AUTS2: variants seen among roughly 807,000 people sequenced by gnomAD.
AUTS2 encodes the protein autism susceptibility gene 2 protein.
In AUTS2, 17 loss-of-function variants were observed where a neutral mutation model predicts 112.4. That is an observed-to-expected ratio of 0.15 (90% confidence interval 0.10 to 0.23). AUTS2 has a LOEUF of 0.23. Ranked by LOEUF, AUTS2 falls within the 10% of genes least tolerant of loss-of-function variation. The pLI is 1.00. For synonymous variants in AUTS2, 751 were observed against 702.7 expected, an observed-to-expected ratio of 1.07 and a Z score of -1.09; for missense variants, 1,510 against 1,701.6, an observed-to-expected ratio of 0.89 and a Z score of 1.98.
chr7:70,046,350 C>A (rs1160714229), intron 2 of AUTS2, among the ~76,000 whole-genome samples: 1 of 152,142 alleles, frequency 6.6e-6, no homozygotes, highest in Non-Finnish European at 1.5e-5. Context: ...TTAATATCTT[C>A]TTCATATTAA....
At chr7:69,943,125 C>T (rs1280115513) in intron 2 of AUTS2, among the ~76,000 whole-genome samples, 3 of 152,126 alleles carry the variant, frequency 2.0e-5, no homozygotes, top group African/African-American at 7.2e-5. Flanking sequence ...ATGCATATGC[C>T]TCATGCATAT....
chr7:69,614,368 T>TTTCTTTCTTTCTTTTCTTTCTTTTC, intron 1 of AUTS2, among the ~76,000 whole-genome samples: 33 of 19,384 alleles, frequency 1.7e-3, no homozygotes, highest in South Asian at 5.2e-3. Context: ...TTCTTTCTTT[T>TTTCTTTCTTTCTTTTCTTTCTTTTC]TTTAAGAGAT....
chr7:70,513,348 CA>C (rs1369093000), intron 5 of AUTS2, among the ~76,000 whole-genome samples: 1 of 152,198 alleles, frequency 6.6e-6, no homozygotes, highest in East Asian at 1.9e-4. Flanking sequence ...GAGAGCACAG[CA>C]CCAGAAGCCA....
chr7:70,470,830 C>G (rs951553380), intron 5 of AUTS2, among the ~76,000 whole-genome samples: 1 of 152,080 alleles, frequency 6.6e-6, no homozygotes, highest in Non-Finnish European at 1.5e-5. Context: ...CCAGCCAAAC[C>G]AGTAACAAAG....
intron 4 of AUTS2, among the ~76,000 whole-genome samples, chr7:70,417,236 T>C (rs966788315): frequency 2.0e-5 from 3 of 152,202 alleles, no homozygotes; most frequent in Admixed American, 2.0e-4. Flanking sequence ...CAGCCGGCTG[T>C]GCCTTTAGCC....
intron 1 of AUTS2, among the ~76,000 whole-genome samples, chr7:69,636,866 C>G (rs557429271): frequency 6.6e-6 from 1 of 152,054 alleles, no homozygotes; most frequent in South Asian, 2.1e-4. Context: ...CCCAGGTTCA[C>G]GCCATTCTCC....
chr7:70,411,203 G>GA (rs199776273), intron 4 of AUTS2, among the ~76,000 whole-genome samples: 13 of 150,176 alleles, frequency 8.7e-5, no homozygotes, highest in Admixed American at 3.3e-4. Context: ...TCACTGCCCT[G>GA]AAAAAAAAAT....
chr7:69,690,911 A>G (rs1797314631), intron 1 of AUTS2, among the ~76,000 whole-genome samples: 1 of 152,106 alleles, frequency 6.6e-6, no homozygotes, highest in South Asian at 2.1e-4. Flanking sequence ...CATTTAAGTG[A>G]CAGAAGAGCT....
intron 1 of AUTS2, among the ~76,000 whole-genome samples, chr7:69,858,169 G>A (rs1213263889): frequency 1.3e-5 from 2 of 152,308 alleles, no homozygotes; most frequent in Non-Finnish European, 1.5e-5. Context: ...ACCACTTCTG[G>A]GGAAATAGCT....
chr7:70,723,152 A>C (rs1338617851), intron 6 of AUTS2, among the ~76,000 whole-genome samples: 2 of 152,168 alleles, frequency 1.3e-5, no homozygotes, highest in African/African-American at 4.8e-5. Context: ...AATCATGTTA[A>C]TCAGGAGATT....
At chr7:69,898,216 T>G (rs1794832419) in intron 1 of AUTS2, among the ~76,000 whole-genome samples, 1 of 152,140 alleles carries the variant, frequency 6.6e-6, no homozygotes, top group South Asian at 2.1e-4. Context: ...GAAAAAATTT[T>G]TAAAAAGTTC....
intron 2 of AUTS2, among the ~76,000 whole-genome samples, chr7:69,982,494 T>C (rs1301919711): frequency 6.6e-6 from 1 of 152,056 alleles, no homozygotes; most frequent in African/African-American, 2.4e-5. Context: ...AGTATTTTCC[T>C]TGGACCTCTG....
At chr7:70,191,510 C>T (rs1809891484) in intron 4 of AUTS2, among the ~76,000 whole-genome samples, 1 of 152,092 alleles carries the variant, frequency 6.6e-6, no homozygotes, top group African/African-American at 2.4e-5. Flanking sequence ...TAATACAAGA[C>T]CAAATTTTTG....
rs375552720 is a variant in AUTS2, at chr7:70,763,020, C to G, written c.893C>G (p.Pro298Arg). 3 of 1,613,986 alleles carry G rather than the reference C, an allele frequency of 1.9e-6. No individual in the cohort carries two copies. The highest frequency in any genetic ancestry group is 1.3e-5 in the African/African-American group (1 of 74,898). ...PIFEPVVLKD[P>R]CPQVAQPIPQ... ...TTTGAGCCTGTGGTGCTTAAAGACC[C>G]CTGCCCTCAGGTCGCACAGCCAATA... The change falls in exon 7 of 19, where the codon CCC becomes CGC. Residue 298 changes from proline (P) to arginine (R), a missense_variant. By Grantham distance (103) the Pro-to-Arg change is moderately radical (BLOSUM62 -2). Coordinates refer to ENST00000342771, the MANE Select transcript of AUTS2 (RefSeq NM_015570.4).
intron 4 of AUTS2, among the ~76,000 whole-genome samples, chr7:70,236,459 T>C (rs1369384472): frequency 6.6e-6 from 1 of 152,184 alleles, no homozygotes; most frequent in African/African-American, 2.4e-5. Flanking sequence ...TTTTCAACCT[T>C]TTTGATAAGC....
At chr7:70,755,261 TA>T (rs1382919729) in intron 6 of AUTS2, among the ~76,000 whole-genome samples, 1 of 149,116 alleles carries the variant, frequency 6.7e-6, no homozygotes, top group Non-Finnish European at 1.5e-5. Flanking sequence ...AAGACCCTTT[TA>T]ACTTTTTTTT....
intron 1 of AUTS2, among the ~76,000 whole-genome samples, chr7:69,744,656 G>T (rs1488430054): frequency 6.8e-6 from 1 of 146,492 alleles, no homozygotes; most frequent in Non-Finnish European, 1.5e-5. Flanking sequence ...TACAAATCAA[G>T]ACTCCCCACA....
intron 1 of AUTS2, among the ~76,000 whole-genome samples, chr7:69,752,104 GT>G (rs1433830520): frequency 6.6e-6 from 1 of 152,136 alleles, no homozygotes; most frequent in African/African-American, 2.4e-5. Flanking sequence ...CAGTGCCCCT[GT>G]ACTGACTAAG....
intron 1 of AUTS2, among the ~76,000 whole-genome samples, chr7:69,891,316 C>A (rs1794509394): frequency 1.3e-5 from 2 of 152,146 alleles, no homozygotes; most frequent in African/African-American, 4.8e-5. Flanking sequence ...GAGGTTATTT[C>A]TTTTTATTGC....
Sources: gnomAD v4.1 joint callset for allele counts (sites outside exome capture counted in the v4.1 genomes callset) on GRCh38, gnomAD v4.1.1 for gene constraint, MANE v1.5 for transcripts, NCBI Gene and HGNC (gene_info 2026-07-23, HGNC 2026-07-21) for gene names.